Variants in CSMD3 observed in about 807,000 individuals in gnomAD.
CSMD3 encodes CUB and sushi domain-containing protein 3.
CSMD3 carries 177 observed loss-of-function variants against 435.2 expected under a neutral mutation model. The observed-to-expected ratio is 0.41, with a 90% CI of 0.36 to 0.46. The LOEUF is 0.46. CSMD3 is among the 20% of genes least tolerant of loss of function. CSMD3 has a pLI of 0.34. For missense variants in CSMD3, 4,265 were observed against 4,504.6 expected, an observed-to-expected ratio of 0.95 and a Z score of 1.52; for synonymous variants, 1,656 against 1,520.5, an observed-to-expected ratio of 1.09 and a Z score of -2.07.
At chr8:113,355,492 G>A (rs756627141) in intron 1 of CSMD3, among the ~76,000 whole-genome samples, 23 of 151,700 alleles carry the variant, frequency 1.5e-4, no homozygotes, top group Non-Finnish European at 2.5e-4. Flanking sequence ...TGGAGAGAGA[G>A]ATCACCTCTT....
At chr8:112,993,168 T>C (rs764006902) in intron 6 of CSMD3, among the ~76,000 whole-genome samples, 2 of 151,698 alleles carry the variant, frequency 1.3e-5, no homozygotes, top group Non-Finnish European at 2.9e-5. Context: ...TTGAAACCAA[T>C]GTTCCAAATA....
chr8:113,175,335 T>C (rs926811067), intron 3 of CSMD3, among the ~76,000 whole-genome samples: 6 of 151,822 alleles, frequency 4.0e-5, no homozygotes, highest in Non-Finnish European at 7.4e-5. Context: ...AGAAAAAATA[T>C]TTACTTTGAG....
At chr8:113,345,432 C>T (rs552478556) in intron 1 of CSMD3, among the ~76,000 whole-genome samples, 21 of 152,198 alleles carry the variant, frequency 1.4e-4, no homozygotes, top group African/African-American at 4.8e-4. Flanking sequence ...CTTAATATGA[C>T]TGTACATGCT....
intron 13 of CSMD3, among the ~76,000 whole-genome samples, chr8:112,723,379 A>T (rs1554663334): frequency 6.6e-6 from 1 of 152,132 alleles, no homozygotes; most frequent in Non-Finnish European, 1.5e-5. Context: ...TTCCATCTAT[A>T]TTTGAAACCA....
At chr8:112,526,481 T>C (rs1006615380) in intron 27 of CSMD3, among the ~76,000 whole-genome samples, 8 of 152,036 alleles carry the variant, frequency 5.3e-5, no homozygotes, top group African/African-American at 1.9e-4. Flanking sequence ...TATAAAAATA[T>C]TTGTATATTT....
intron 13 of CSMD3, among the ~76,000 whole-genome samples, chr8:112,721,132 T>C (rs1044286315): frequency 4.6e-5 from 7 of 152,070 alleles, no homozygotes; most frequent in African/African-American, 1.7e-4. Flanking sequence ...CTGTAGTAGA[T>C]CTCACAAGTA....
At chr8:112,810,861 GT>G (rs1490095617) in intron 12 of CSMD3, among the ~76,000 whole-genome samples, 1 of 151,934 alleles carries the variant, frequency 6.6e-6, no homozygotes, top group Middle Eastern at 3.2e-3. Flanking sequence ...CTTAGGCTTG[GT>G]TTAGTAAGAT....
At chr8:113,108,685 G>A (rs549511774) in intron 4 of CSMD3, among the ~76,000 whole-genome samples, 2 of 152,046 alleles carry the variant, frequency 1.3e-5, no homozygotes, top group Admixed American at 1.3e-4. Flanking sequence ...ACATATCAGA[G>A]ACAAACAATT....
chr8:112,637,729 A>G (rs557229047), intron 21 of CSMD3, among the ~76,000 whole-genome samples: 1 of 152,244 alleles, frequency 6.6e-6, no homozygotes, highest in African/African-American at 2.4e-5. Context: ...AATTACAACA[A>G]AGAACAAGAG....
intron 1 of CSMD3, among the ~76,000 whole-genome samples, chr8:113,374,392 T>C (rs1468934874): frequency 6.6e-6 from 1 of 152,128 alleles, no homozygotes; most frequent in Non-Finnish European, 1.5e-5. Flanking sequence ...TGAATTCTTA[T>C]TCAGACCACA....
intron 1 of CSMD3, among the ~76,000 whole-genome samples, chr8:113,409,198 T>C (rs2094547147): frequency 1.4e-5 from 2 of 147,628 alleles, no homozygotes; most frequent in Admixed American, 1.4e-4. Flanking sequence ...TTCTCTTGCC[T>C]CAGCTTCCTG....
At position 112,224,414 on chromosome 8, in the gene CSMD3, T is replaced by A; in HGVS notation, c.*357A>T. ...TAGCTCTTATTTCTACCCTATATCT[T>A]TTTTTTTAAACCCAGTCCCTCTAAT... is the stretch of plus-strand genomic sequence containing the variant. On this transcript the variant is annotated 3_prime_UTR_variant, in exon 71 of 71. Transcript: ENST00000297405. 9.7e-6 allele frequency: 3 copies of A among 308,658 alleles called. 1 individual carries two copies. Among genetic ancestry groups the A allele is most frequent in the South Asian group, 9.4e-5 (3 of 31,862 alleles). The allele number at this position is 308,658 out of a possible 1,614,324, so 19.1% of individuals were successfully genotyped here.
chr8:113,302,432 A>G (rs1443125189), intron 2 of CSMD3, among the ~76,000 whole-genome samples: 1 of 150,370 alleles, frequency 6.7e-6, no homozygotes, highest in Admixed American at 6.7e-5. Context: ...AGTTTTTAAC[A>G]GATACAGAGT....
At chr8:113,109,679 G>A (rs1052374105) in intron 4 of CSMD3, among the ~76,000 whole-genome samples, 8 of 152,018 alleles carry the variant, frequency 5.3e-5, no homozygotes, top group East Asian at 1.9e-4. Flanking sequence ...TCTTCAAATC[G>A]GCTCTGTGCC....
intron 6 of CSMD3, among the ~76,000 whole-genome samples, chr8:112,979,855 G>C (rs1346263485): frequency 2.7e-5 from 4 of 150,808 alleles, no homozygotes; most frequent in Admixed American, 1.3e-4. Flanking sequence ...TTCACAATAT[G>C]AACTTATCTG....
At chr8:112,923,466 A>C (rs1307324986) in intron 9 of CSMD3, among the ~76,000 whole-genome samples, 3 of 152,098 alleles carry the variant, frequency 2.0e-5, no homozygotes, top group Non-Finnish European at 4.4e-5. Context: ...GAAGATATTA[A>C]GCATGTGCCT....
intron 1 of CSMD3, among the ~76,000 whole-genome samples, chr8:113,400,556 A>G (rs1019197542): frequency 1.3e-5 from 2 of 151,934 alleles, no homozygotes. Flanking sequence ...TGTTTTCACC[A>G]TATATATTTT....
At chr8:112,549,334 C>G (rs1042823183) in intron 27 of CSMD3, among the ~76,000 whole-genome samples, 2 of 151,856 alleles carry the variant, frequency 1.3e-5, no homozygotes, top group African/African-American at 2.4e-5. Context: ...CATTTATATT[C>G]ACCTATTATA....
At chr8:112,996,304 A>G (rs539865100) in intron 6 of CSMD3, among the ~76,000 whole-genome samples, 3 of 151,704 alleles carry the variant, frequency 2.0e-5, no homozygotes, top group East Asian at 1.9e-4. Flanking sequence ...CTCGACTTCT[A>G]TGAGTTCAAC....
Sources: gnomAD v4.1 joint callset for allele counts (sites outside exome capture counted in the v4.1 genomes callset) on GRCh38, gnomAD v4.1.1 for gene constraint, MANE v1.5 for transcripts, NCBI Gene and HGNC (gene_info 2026-07-23, HGNC 2026-07-21) for gene names.